Variants in MAPK6 observed in about 807,000 individuals in gnomAD.
MAPK6 encodes ERK-3.
Under a neutral mutation model 59.3 loss-of-function variants are expected in MAPK6, and 19 were observed. The observed-to-expected ratio is 0.32, with a 90% CI of 0.22 to 0.47. The LOEUF is 0.47. MAPK6 is among the 20% of genes least tolerant of loss of function. The pLI is 1.00. For synonymous variants in MAPK6, 316 were observed against 290.3 expected (o/e 1.09, Z -0.90); for missense variants, 724 against 847.9 (o/e 0.85, Z 1.81).
intron 3 of MAPK6, among the ~76,000 whole-genome samples, chr15:52,012,977 A>G: frequency 8.6e-6 from 1 of 116,296 alleles, no homozygotes; most frequent in Non-Finnish European, 1.7e-5. Context: ...ACAGAGTGAG[A>G]CTCCGCCTGG....
intron 1 of MAPK6, among the ~76,000 whole-genome samples, chr15:52,038,309 C>A: frequency 6.6e-6 from 1 of 152,148 alleles, no homozygotes; most frequent in East Asian, 1.9e-4. Flanking sequence ...TTAAAAACAT[C>A]TTGGTTCATT....
In MAPK6 at chr15:52,027,749, C is replaced by CTTTATTTATTTA. The variant is rs35286366; in HGVS notation, c.-632+8394_-632+8405dup. 2.3e-4 allele frequency: 34 copies of CTTTATTTATTTA among 146,516 alleles called. No homozygotes were observed. In the East Asian group the frequency reaches 5.2e-3, roughly 22 times the overall value. 9.1% of individuals were successfully genotyped at this position (146,516 alleles called of 1,614,324 possible). ...CACTCTGCTCAGCCTGTTGATTTCT[C>CTTTATTTATTTA]TTTATTTATTTATTTATTTATTTAT... On this transcript the variant is annotated intron_variant, in intron 1 of 5. Transcript: ENST00000261845.
chr15:52,001,577 C>T (rs368645093), intron 2 of MAPK6, among the ~76,000 whole-genome samples: 5 of 144,934 alleles, frequency 3.4e-5, no homozygotes, highest in African/African-American at 1.0e-4. Flanking sequence ...GGTACAATCT[C>T]GGCTCACTGC....
intron 1 of MAPK6, among the ~76,000 whole-genome samples, chr15:52,024,967 G>A (rs1201469321): frequency 6.6e-6 from 1 of 150,948 alleles, no homozygotes; most frequent in East Asian, 1.9e-4. Context: ...AACGTGCTGG[G>A]AAGAACCTGC....
In MAPK6 at chr15:52,030,894, C is replaced by G. The variant is rs145490525; in HGVS notation, c.-632+11518C>G. 6.6e-5 allele frequency among the ~76,000 whole-genome samples: 10 copies of G among 151,044 alleles called. No homozygotes were observed. In the East Asian group the frequency reaches 2.0e-3, roughly 30 times the overall value. ...GCAGTCTCTGCCTCCTGGGTTCAAG[C>G]AATTCTCGTGCCTCAGCCTCCTGAG... On this transcript the variant is annotated intron_variant, in intron 1 of 5. Coordinates refer to ENST00000261845, the MANE Select transcript of MAPK6 (RefSeq NM_002748.4).
rs956149325 is a variant in MAPK6, at chr15:52,019,236, G to C, written c.-772G>C. ...CGCCCCCTCTTCCTCGCCCTCTCTC[G>C]CGGGTCGGGGTTACATGGCGGCGAC... On this transcript the variant is annotated 5_prime_UTR_variant, in exon 1 of 6. Coordinates refer to ENST00000261845, the MANE Select transcript of MAPK6 (RefSeq NM_002748.4). 6.6e-6 allele frequency: 1 copy of C among 152,106 alleles called. No homozygotes were observed. The highest frequency in any genetic ancestry group is 2.4e-5 in the African/African-American group (1 of 41,420). 9.4% of individuals were successfully genotyped at this position (152,106 alleles called of 1,614,324 possible).
chr15:51,979,417 T>C, intron 1 of MAPK6, among the ~76,000 whole-genome samples: 1 of 151,796 alleles, frequency 6.6e-6, no homozygotes, highest in East Asian at 1.9e-4. Context: ...ATAATTTTAG[T>C]AAAGAATATT....
In MAPK6 at chr15:52,019,347, C is replaced by G. The variant is rs1321488629; in HGVS notation, c.-661C>G. On this transcript the variant is annotated 5_prime_UTR_variant, in exon 1 of 6. Coordinates refer to ENST00000261845, the MANE Select transcript of MAPK6 (RefSeq NM_002748.4). The stretch of plus-strand genomic sequence containing the variant: ...GACACTGGGGGCAGTCCGCGAGCCC[C>G]GCACTCTCTCGATGAGTCGGAGAAG... 6.6e-6 allele frequency: 1 copy of G among 152,654 alleles called. No individual in the cohort carries two copies. Among genetic ancestry groups the G allele is most frequent in the African/African-American group, 2.4e-5 (1 of 41,396 alleles). 9.5% of individuals were successfully genotyped at this position (152,654 alleles called of 1,614,324 possible).
intron 1 of MAPK6, among the ~76,000 whole-genome samples, chr15:52,045,610 G>A (rs895123676): frequency 6.6e-6 from 1 of 152,142 alleles, no homozygotes; most frequent in Non-Finnish European, 1.5e-5. Flanking sequence ...CAAGAATCTA[G>A]TGTAGTGAAA....
In MAPK6 at chr15:52,065,605, C is replaced by G. The variant is rs1163506654; in HGVS notation, c.*605C>G. On this transcript the variant is annotated 3_prime_UTR_variant, in exon 6 of 6. Coordinates refer to ENST00000261845, the MANE Select transcript of MAPK6 (RefSeq NM_002748.4). Reference sequence around the variant, plus strand: ...AACTATTCTTAATAAAACTCACTCACTGTTTATAAATGTTCTGGTATGCAT... The same window carrying G: ...AACTATTCTTAATAAAACTCACTCAGTGTTTATAAATGTTCTGGTATGCAT... The G allele has an allele frequency of 6.6e-6, 1 of 152,638 alleles. No homozygotes were observed. Among genetic ancestry groups the G allele is most frequent in the Non-Finnish European group, 1.5e-5 (1 of 68,038 alleles). 9.5% of individuals were successfully genotyped at this position (152,638 alleles called of 1,614,324 possible).
chr15:52,021,817 G>A (rs772141437), intron 1 of MAPK6, among the ~76,000 whole-genome samples: 3 of 152,024 alleles, frequency 2.0e-5, no homozygotes, highest in Non-Finnish European at 4.4e-5. Flanking sequence ...ATTGTGCTTT[G>A]TGATTTATGT....
intron 1 of MAPK6, chr15:52,020,101 T>G (rs1411568983): frequency 6.6e-6 from 1 of 152,288 alleles, no homozygotes; most frequent in East Asian, 1.9e-4. Context: ...TTAGCTTCTT[T>G]CGGGACCTTA....
intron 1 of MAPK6, among the ~76,000 whole-genome samples, chr15:51,972,354 G>A (rs1406079550): frequency 6.6e-6 from 1 of 151,770 alleles, no homozygotes; most frequent in Non-Finnish European, 1.5e-5. Context: ...GCCCAGGCTG[G>A]TCGCAAACTC....
chr15:51,976,615 A>G (rs2057158217), intron 1 of MAPK6, among the ~76,000 whole-genome samples: 2 of 151,842 alleles, frequency 1.3e-5, no homozygotes, highest in African/African-American at 4.8e-5. Context: ...TTTCTAAACA[A>G]TTCTGAGAGT....
chr15:52,003,333 G>T (rs1010786246), intron 2 of MAPK6, among the ~76,000 whole-genome samples: 5 of 152,174 alleles, frequency 3.3e-5, no homozygotes, highest in Admixed American at 2.6e-4. Context: ...TGGTGATTAT[G>T]GGGATTACAA....
chr15:52,016,496 G>C (rs1344594636), upstream of MAPK6, among the ~76,000 whole-genome samples: 1 of 152,098 alleles, frequency 6.6e-6, no homozygotes, highest in Non-Finnish European at 1.5e-5. Flanking sequence ...AGAAACTCTT[G>C]CCTAAAAAGG....
intron 1 of MAPK6, among the ~76,000 whole-genome samples, chr15:51,976,352 G>A (rs2057157427): frequency 6.6e-6 from 1 of 151,516 alleles, no homozygotes; most frequent in Non-Finnish European, 1.5e-5. Flanking sequence ...AGTGAAGATG[G>A]GGGTTAGTCA....
chr15:52,023,655 A>G (rs2030633449), intron 1 of MAPK6, among the ~76,000 whole-genome samples: 1 of 152,238 alleles, frequency 6.6e-6, no homozygotes, highest in Admixed American at 6.5e-5. Context: ...CTCTGTTGCC[A>G]GGCTGGAGCG....
At chr15:52,033,862 T>G (rs1160113801) in intron 1 of MAPK6, 1 of 152,054 alleles carries the variant, frequency 6.6e-6, no homozygotes, top group Non-Finnish European at 1.5e-5. Context: ...TAAAACATAT[T>G]CTATTGTCTT....
Sources: gnomAD v4.1 joint callset for allele counts (sites outside exome capture counted in the v4.1 genomes callset) on GRCh38, gnomAD v4.1.1 for gene constraint, MANE v1.5 for transcripts, NCBI Gene and HGNC (gene_info 2026-07-23, HGNC 2026-07-21) for gene names.